WDR7: variants seen among roughly 807,000 people sequenced by gnomAD.
WDR7 encodes the protein WD repeat-containing protein 7.
In WDR7, 46 loss-of-function variants were observed where a neutral mutation model predicts 169.4. The observed-to-expected ratio is 0.27, with a 90% CI of 0.21 to 0.35. WDR7 has a LOEUF of 0.35. WDR7 is among the 10% of genes least tolerant of loss of function. WDR7 has a pLI of 1.00. For missense variants in WDR7, 1,534 were observed against 1,859.3 expected (o/e 0.83, Z 3.22); for synonymous variants, 612 against 666.8 (o/e 0.92, Z 1.27).
intron 21 of WDR7, among the ~76,000 whole-genome samples, chr18:56,914,348 G>A (rs1220007292): frequency 6.6e-6 from 1 of 152,150 alleles, no homozygotes; most frequent in Non-Finnish European, 1.5e-5. Context: ...TGATACATTT[G>A]TTTATTTGGT....
chr18:56,753,888 T>G (rs1332655348), intron 14 of WDR7, among the ~76,000 whole-genome samples: 2 of 152,056 alleles, frequency 1.3e-5, no homozygotes, highest in African/African-American at 4.8e-5. Flanking sequence ...GAGTTCACAT[T>G]TTATTCTAGA....
intron 1 of WDR7, among the ~76,000 whole-genome samples, chr18:56,661,243 G>T (rs1334056987): frequency 6.6e-6 from 1 of 152,032 alleles, no homozygotes; most frequent in South Asian, 2.1e-4. Flanking sequence ...AGTCGAAGTT[G>T]GTTCAACCAA....
chr18:56,667,047 A>C (rs927563078), intron 1 of WDR7, among the ~76,000 whole-genome samples: 1 of 152,168 alleles, frequency 6.6e-6, no homozygotes, highest in African/African-American at 2.4e-5. Flanking sequence ...ACCATTCAGA[A>C]CAGTTTTGTT....
At position 56,922,026 on chromosome 18, in the gene WDR7, C is replaced by T. The variant is rs1032844417; in HGVS notation, c.3527-1896C>T. ...TGCAATATTTAGCAAGGATTCACCT[C>T]CAGGGACCCTTATTGCTTAGATTGG... On this transcript the variant is annotated intron_variant, in intron 21 of 27. Coordinates refer to ENST00000254442, the MANE Select transcript of WDR7 (RefSeq NM_015285.3). 4.6e-5 allele frequency among the ~76,000 whole-genome samples: 7 copies of T among 152,274 alleles called. No homozygotes were observed. In the East Asian group the frequency reaches 1.4e-3, roughly 29 times the overall value.
intron 26 of WDR7, among the ~76,000 whole-genome samples, chr18:57,001,897 T>C (rs1191172973): frequency 5.9e-5 from 9 of 152,194 alleles, no homozygotes. Context: ...AATTTCTGGA[T>C]ATAGAATACC....
chr18:56,778,997 G>A (rs1180017273), intron 17 of WDR7, among the ~76,000 whole-genome samples: 1 of 152,156 alleles, frequency 6.6e-6, no homozygotes, highest in Non-Finnish European at 1.5e-5. Flanking sequence ...ACACACAGAT[G>A]GCCATGCCTT....
rs575765682 is a variant in WDR7, at chr18:56,816,971, G to A, written c.3304+827G>A. On this transcript the variant is annotated intron_variant, in intron 20 of 27. Coordinates refer to ENST00000254442, the MANE Select transcript of WDR7 (RefSeq NM_015285.3). ...TAATCAATATTTTAGAAAGAAGTAC[G>A]CCCAGAAAATATTAATTTAATAGTA... is the stretch of plus-strand genomic sequence containing the variant. 6.6e-5 allele frequency among the ~76,000 whole-genome samples: 10 copies of A among 151,988 alleles called. 1 individual carries two copies. Among genetic ancestry groups the A allele is most frequent in the South Asian group, 2.1e-4 (1 of 4,810 alleles).
At chr18:56,881,354 C>T (rs1264585095) in intron 21 of WDR7, among the ~76,000 whole-genome samples, 5 of 151,882 alleles carry the variant, frequency 3.3e-5, no homozygotes, top group Non-Finnish European at 7.4e-5. Flanking sequence ...ACATGCATTA[C>T]CTCACTTCAT....
chr18:56,763,908 C>A (rs1178559416), intron 16 of WDR7, among the ~76,000 whole-genome samples: 1 of 152,030 alleles, frequency 6.6e-6, no homozygotes, highest in Non-Finnish European at 1.5e-5. Flanking sequence ...TATATTCACT[C>A]TTTCATTTCT....
chr18:56,815,024 T>C (rs1423803006), intron 19 of WDR7, among the ~76,000 whole-genome samples: 1 of 152,188 alleles, frequency 6.6e-6, no homozygotes, highest in Non-Finnish European at 1.5e-5. Flanking sequence ...CTAAGGTTCT[T>C]CCTCTTTTGG....
At chr18:56,798,005 G>A (rs117630412) in intron 19 of WDR7, among the ~76,000 whole-genome samples, 1,971 of 151,810 alleles carry the variant, frequency 0.013, 17 homozygotes, top group East Asian at 0.031. Flanking sequence ...CATATATGTC[G>A]CAGGGAAATG....
chr18:56,844,780 G>A (rs1262310589), intron 20 of WDR7, among the ~76,000 whole-genome samples: 1 of 152,068 alleles, frequency 6.6e-6, no homozygotes, highest in Non-Finnish European at 1.5e-5. Flanking sequence ...AACTAGCAAG[G>A]CTTAAAATTG....
chr18:56,982,862 A>C (rs1413899931), intron 26 of WDR7, among the ~76,000 whole-genome samples: 2 of 152,246 alleles, frequency 1.3e-5, no homozygotes, highest in Non-Finnish European at 2.9e-5. Context: ...ACATGTAGAA[A>C]TGTTCCTAGT....
At chr18:56,926,026 AGTACTGGTG>A (rs1322460110) in intron 22 of WDR7, among the ~76,000 whole-genome samples, 1 of 152,218 alleles carries the variant, frequency 6.6e-6, no homozygotes. Context: ...ATGTGGCAGA[AGTACTGGTG>A]GTACTGGTGG....
chr18:56,714,903 A>G (rs769544008), intron 12 of WDR7, among the ~76,000 whole-genome samples: 3 of 152,136 alleles, frequency 2.0e-5, no homozygotes, highest in Non-Finnish European at 4.4e-5. Context: ...CCTTCAGAAA[A>G]TTACATCTCA....
chr18:56,922,917 T>C (rs1568268359), intron 21 of WDR7, among the ~76,000 whole-genome samples: 1 of 152,216 alleles, frequency 6.6e-6, no homozygotes. Flanking sequence ...AAAAGAGCCA[T>C]GTTTAATAGG....
chr18:57,008,049 G>A (rs1281269371), intron 26 of WDR7, among the ~76,000 whole-genome samples: 3 of 151,976 alleles, frequency 2.0e-5, no homozygotes, highest in Admixed American at 1.3e-4. Context: ...ACATATTTCT[G>A]TGTGCTCAGT....
chr18:56,835,373 G>C (rs1481219867), intron 20 of WDR7, among the ~76,000 whole-genome samples: 2 of 151,890 alleles, frequency 1.3e-5, no homozygotes, highest in Non-Finnish European at 2.9e-5. Flanking sequence ...GACAGTGTAG[G>C]TCTATAATTT....
intron 25 of WDR7, among the ~76,000 whole-genome samples, chr18:56,955,491 G>A (rs1291919855): frequency 6.6e-6 from 1 of 152,064 alleles, no homozygotes; most frequent in East Asian, 1.9e-4. Context: ...GTTTATACTT[G>A]TAAATTGTAA....
Sources: gnomAD v4.1 joint callset for allele counts (sites outside exome capture counted in the v4.1 genomes callset) on GRCh38, gnomAD v4.1.1 for gene constraint, MANE v1.5 for transcripts, NCBI Gene and HGNC (gene_info 2026-07-23, HGNC 2026-07-21) for gene names.